The following HSPA13 variants were observed in gnomAD, a reference collection of about 807,000 sequenced individuals.
HSPA13 encodes heat shock protein family A (Hsp70) member 13.
A neutral mutation model predicts 38.8 loss-of-function variants in HSPA13; 29 were observed. The observed-to-expected ratio is 0.75, with a 90% CI of 0.56 to 1.02. The LOEUF (loss-of-function observed/expected upper bound fraction) is 1.02, where lower values mean the gene tolerates loss of function less well. Among genes scored for constraint, HSPA13 ranks in the 50% least tolerant of loss-of-function variants. HSPA13 has a pLI of 0.00. For synonymous variants in HSPA13, 192 were observed against 205.3 expected, an observed-to-expected ratio of 0.94 and a Z score of 0.56; for missense variants, 451 against 560.9, an observed-to-expected ratio of 0.80 and a Z score of 1.98.
intron 4 of HSPA13, among the ~76,000 whole-genome samples, chr21:14,374,904 C>CT (rs1983981412): frequency 3.3e-5 from 5 of 151,682 alleles, no homozygotes; most frequent in African/African-American, 4.8e-5. Context: ...TACCTGAAAA[C>CT]TAGATAAATA....
At chr21:14,375,899 T>C in intron 3 of HSPA13, 80 bp from the exon 4 acceptor site, 1 of 1,168,404 alleles carries the variant, frequency 8.6e-7, no homozygotes, top group Non-Finnish European at 1.2e-6. Flanking sequence ...CATGTTTGTG[T>C]CTTCTGTGAC....
rs201488361 is a variant in HSPA13, at chr21:14,373,904, G to A, written c.1129C>T (p.Leu377Phe). The change falls in exon 5 of 5, where the codon CTC becomes TTC. Residue 377 changes from leucine to phenylalanine, a missense_variant. Leu to Phe is a conservative substitution (Grantham distance 22). Coordinates refer to ENST00000285667, the MANE Select transcript of HSPA13 (RefSeq NM_006948.5). ...RKLFDTLNED[L>F]FQKILVPIQQ... The stretch of plus-strand genomic sequence containing the variant: ...ATGGGTACCAGTATTTTCTGAAAGA[G>A]GTCTTCATTAAGGGTATCAAAGAGT... 268 of 1,614,028 alleles carry A rather than the reference G, an allele frequency of 1.7e-4. No homozygotes were observed. The highest frequency in any genetic ancestry group is 2.2e-4 in the Admixed American group (13 of 60,010).
intron 4 of HSPA13, 45 bp from the exon 5 acceptor site, chr21:14,374,329 G>A: frequency 7.5e-7 from 1 of 1,332,350 alleles, no homozygotes; most frequent in Non-Finnish European, 1.1e-6. Flanking sequence ...ATATATGTGT[G>A]TATGTATACA....
At chr21:14,378,447 A>C (rs1258408839) in intron 2 of HSPA13, 35 bp from the exon 3 acceptor site, 1 of 1,357,566 alleles carries the variant, frequency 7.4e-7, no homozygotes, top group Admixed American at 1.7e-5. Context: ...TAAATAAATA[A>C]AAGAGTAAAA....
Position 14,372,754 on chromosome 21 carries a change from T to C in HSPA13, c.*863A>G, listed in dbSNP as rs912459295. ...CAAAGAAACAAATACAGTAGGTAAT[T>C]GATGCTATTTGCCAATGTTTGCAAA... On this transcript the variant is annotated 3_prime_UTR_variant, in exon 5 of 5. Transcript: ENST00000285667. 2.0e-5 allele frequency: 3 copies of C among 152,138 alleles called. No individual in the cohort carries two copies. The highest frequency in any genetic ancestry group is 7.2e-5 in the African/African-American group (3 of 41,454). 9.4% of individuals were successfully genotyped at this position (152,138 alleles called of 1,614,324 possible). A position where few individuals can be genotyped will look rare whatever the true frequency, so the allele number is the denominator to read the frequency against.
At chr21:14,378,496 A>C in intron 2 of HSPA13, 84 bp from the exon 3 acceptor site, 5 of 826,342 alleles carry the variant, frequency 6.1e-6, no homozygotes, top group Non-Finnish European at 9.7e-6. Context: ...ACTAGATTTC[A>C]TGAGAACTTA....
chr21:14,373,773 C>T lies in HSPA13; in HGVS notation c.1260G>A (p.Glu420=). ...RIPRIRQVIQ[E]FFGKDPNTSV... is the part of the protein sequence containing the mutation. The stretch of plus-strand genomic sequence containing the variant: ...ATGTGTTGGGATCTTTTCCAAAGAA[C>T]TCTTGAATGACTTGACGGATCCGAG... Residue 420 remains glutamate, a synonymous_variant, in exon 5 of 5, where the codon GAG becomes GAA. Coordinates refer to ENST00000285667, the MANE Select transcript of HSPA13 (RefSeq NM_006948.5). The T allele has an allele frequency of 1.2e-6, 2 of 1,614,220 alleles. No homozygotes were observed. Among genetic ancestry groups the T allele is most frequent in the South Asian group, 2.2e-5 (2 of 91,086 alleles).
At chr21:14,379,092 TTTC>T (rs1210191667) in intron 2 of HSPA13, among the ~76,000 whole-genome samples, 1 of 152,200 alleles carries the variant, frequency 6.6e-6, no homozygotes, top group Non-Finnish European at 1.5e-5. Flanking sequence ...TTTTCCCAAA[TTTC>T]TTGTTTCTAA....
chr21:14,378,706 G>A (rs943502904), intron 2 of HSPA13, among the ~76,000 whole-genome samples: 2 of 150,768 alleles, frequency 1.3e-5, no homozygotes, highest in African/African-American at 4.9e-5. Context: ...CACAACCTCC[G>A]CCTCCTGGGT....
Position 14,374,088 on chromosome 21 carries a change from C to T in HSPA13, c.945G>A (p.Glu315=). The T allele has an allele frequency of 6.2e-7, 1 of 1,614,148 alleles. No homozygotes were observed. Residue 315 remains glutamate, a synonymous_variant, in exon 5 of 5, where the codon GAG becomes GAA. Transcript: ENST00000285667. ...TACTGTGAGGTTCCTTCCTGTCCTGCTCCTCCACCGTTAGTAATACTGACA... is the reference window on the plus strand; with the variant it reads ...TACTGTGAGGTTCCTTCCTGTCCTGTTCCTCCACCGTTAGTAATACTGACA... The part of the protein sequence containing the change: ...AQLSVLLTVE[E]QDRKEPHSSD...
chr21:14,382,970 C>A, intron 1 of HSPA13, 125 bp downstream of exon 1: 1 of 1,185,348 alleles, frequency 8.4e-7, no homozygotes. Flanking sequence ...CTCTAAGTCA[C>A]CTTTCTGACT....
intron 2 of HSPA13, among the ~76,000 whole-genome samples, chr21:14,380,849 C>T (rs188253178): frequency 2.7e-4 from 41 of 152,274 alleles, no homozygotes; most frequent in Non-Finnish European, 5.1e-4. Flanking sequence ...AAAAATAGCA[C>T]ACCTGGTATG....
At chr21:14,379,722 A>AT (rs1171147642) in intron 2 of HSPA13, among the ~76,000 whole-genome samples, 7 of 151,822 alleles carry the variant, frequency 4.6e-5, no homozygotes, top group African/African-American at 9.7e-5. Context: ...GCAGGGAGCA[A>AT]TTTTTTTTTC....
intron 3 of HSPA13, 80 bp from the exon 4 acceptor site, chr21:14,375,899 T>A: frequency 8.6e-7 from 1 of 1,168,402 alleles, no homozygotes; most frequent in Admixed American, 1.9e-5. Flanking sequence ...CATGTTTGTG[T>A]CTTCTGTGAC....
intron 4 of HSPA13, among the ~76,000 whole-genome samples, chr21:14,374,727 A>T (rs1046945329): frequency 1.3e-5 from 2 of 152,226 alleles, no homozygotes. Flanking sequence ...TTCAGTAAAT[A>T]GAGATTAAGA....
intron 2 of HSPA13, among the ~76,000 whole-genome samples, chr21:14,379,268 T>C (rs1171029932): frequency 6.6e-6 from 1 of 152,160 alleles, no homozygotes; most frequent in African/African-American, 2.4e-5. Context: ...TGGGTGTACA[T>C]TTAAAAAACT....
chr21:14,376,767 A>G (rs1984038178), intron 3 of HSPA13, among the ~76,000 whole-genome samples: 1 of 152,136 alleles, frequency 6.6e-6, no homozygotes, highest in African/African-American at 2.4e-5. Context: ...TCTTCCTACA[A>G]CACACTTTCT....
chr21:14,381,076 G>C, intron 2 of HSPA13, 127 bp downstream of exon 2: 1 of 704,724 alleles, frequency 1.4e-6, no homozygotes. Context: ...CTGGTTATGT[G>C]AGATAACAGA....
In HSPA13 at chr21:14,381,513, C is replaced by A; in HGVS notation, c.56G>T (p.Gly19Val). 6.2e-7 allele frequency: 1 copy of A among 1,600,292 alleles called. No individual in the cohort carries two copies. The highest frequency in any genetic ancestry group is 8.6e-7 in the Non-Finnish European group (1 of 1,169,030). The change falls in exon 2 of 5, where the codon GGC (glycine) becomes GTC (valine). Residue 19 changes from glycine to valine, a missense_variant. By Grantham distance (109) the Gly-to-Val change is moderately radical. Transcript: ENST00000285667. ...TGGTAAATACTGTTGTGCCAAATAG[C>A]CGGCCAACAGGAGAGTCAAAACAGC... ...GSAVLTLLLA[G>V]YLAQQYLPLP...
Sources: allele counts gnomAD v4.1 joint callset (sites outside exome capture counted in the v4.1 genomes callset), GRCh38; gene constraint gnomAD v4.1.1; transcripts MANE v1.5; gene names NCBI Gene and HGNC (gene_info 2026-07-23, HGNC 2026-07-21).